PTGFRN: variants seen among roughly 807,000 people sequenced by gnomAD.
PTGFRN encodes prostaglandin F2 receptor inhibitor, also known as prostaglandin F2 receptor negative regulator.
PTGFRN carries 35 observed loss-of-function variants against 83.2 expected under a neutral mutation model. That is an observed-to-expected ratio of 0.42 (90% CI 0.32 to 0.56). The LOEUF is 0.56. PTGFRN is among the 20% of genes least tolerant of loss of function. The pLI, the probability that PTGFRN is intolerant of heterozygous loss-of-function variation, is 0.11. For missense variants in PTGFRN, 1,051 were observed against 1,179.5 expected, an observed-to-expected ratio of 0.89 and a Z score of 1.60; for synonymous variants, 519 against 498.6, an observed-to-expected ratio of 1.04 and a Z score of -0.55.
intron 2 of PTGFRN, among the ~76,000 whole-genome samples, chr1:116,944,254 A>T (rs544051871): frequency 6.6e-6 from 1 of 152,308 alleles, no homozygotes; most frequent in South Asian, 2.1e-4. Flanking sequence ...GTCATACCCA[A>T]TGATTTATCA....
intron 1 of PTGFRN, among the ~76,000 whole-genome samples, chr1:116,910,500 GC>G (rs1201651910): frequency 1.3e-5 from 2 of 151,768 alleles, no homozygotes; most frequent in African/African-American, 4.8e-5. Context: ...GCCGAGCCTC[GC>G]CCCCAACATG....
At chr1:116,970,854 C>T (rs1004539892) in intron 6 of PTGFRN, among the ~76,000 whole-genome samples, 1 of 152,158 alleles carries the variant, frequency 6.6e-6, no homozygotes, top group African/African-American at 2.4e-5. Flanking sequence ...CTTCCTGTCC[C>T]CTGATTTCAG....
intron 3 of PTGFRN, among the ~76,000 whole-genome samples, chr1:116,946,365 T>C (rs1466117124): frequency 6.6e-6 from 1 of 152,208 alleles, no homozygotes; most frequent in African/African-American, 2.4e-5. Context: ...TGCTCATTAC[T>C]GGTCAGTCTG....
At chr1:116,975,586 C>T (rs966377708) in intron 7 of PTGFRN, among the ~76,000 whole-genome samples, 11 of 152,246 alleles carry the variant, frequency 7.2e-5, no homozygotes, top group Non-Finnish European at 1.3e-4. Context: ...GTTCTACAAC[C>T]TCCACTGCTG....
chr1:116,959,509 G>C (rs937664853), intron 4 of PTGFRN, among the ~76,000 whole-genome samples: 1 of 152,160 alleles, frequency 6.6e-6, no homozygotes. Flanking sequence ...CACAAGAAAA[G>C]TTCCTTGACC....
At position 116,910,224 on chromosome 1, in the gene PTGFRN, G is replaced by A. The variant is rs762467971; in HGVS notation, c.21G>A (p.Arg7=). 1.2e-5 allele frequency: 18 copies of A among 1,457,826 alleles called. No individual in the cohort carries two copies. Among genetic ancestry groups the A allele is most frequent in the Non-Finnish European group, 1.6e-5 (18 of 1,111,846 alleles). The allele number at this position is 1,457,826 out of a possible 1,614,324, so 90.3% of individuals were successfully genotyped here. A position where few individuals can be genotyped will look rare whatever the true frequency, so the allele number is the denominator to read the frequency against. ...CGAGCATGGGGCGCCTGGCCTCGAG[G>A]CCGCTGCTGCTGGCGCTCCTGTCGT... MGRLAS[R]PLLLALLSLA... The change falls in exon 1 of 9, where the codon AGG becomes AGA. Residue 7 remains arginine (R), a synonymous_variant. Transcript: ENST00000393203.
In PTGFRN at chr1:116,982,935, A is replaced by C. The variant is rs112452948; in HGVS notation, c.2168-1745A>C. Among the ~76,000 whole-genome samples the C allele has an allele frequency of 4.8e-3, 727 of 152,262 alleles. 5 individuals are homozygous for C. Among genetic ancestry groups the C allele is most frequent in the African/African-American group, 0.017 (692 of 41,548 alleles). The stretch of plus-strand genomic sequence containing the variant: ...GCAGTGGCCAGAGGCCCAGCCCACC[A>C]GCTGGGGTGGACTGGCCACCAGCTG... On this transcript the variant is annotated intron_variant, in intron 7 of 8. Transcript: ENST00000393203.
intron 1 of PTGFRN, among the ~76,000 whole-genome samples, chr1:116,937,340 C>T (rs1238234202): frequency 6.6e-6 from 1 of 152,092 alleles, no homozygotes; most frequent in Non-Finnish European, 1.5e-5. Context: ...AAGATATAAC[C>T]CAACTTAAAT....
In PTGFRN at chr1:116,966,965, A is replaced by G. The variant is rs1650856661; in HGVS notation, c.1694A>G (p.Asn565Ser). The G allele has an allele frequency of 6.2e-7, 1 of 1,612,056 alleles. No individual in the cohort carries two copies. Among genetic ancestry groups the G allele is most frequent in the East Asian group, 2.2e-5 (1 of 44,830 alleles). The change falls in exon 6 of 9, where the codon AAT becomes AGT. Residue 565 changes from asparagine to serine, a missense_variant. Asn to Ser is a conservative substitution (Grantham distance 46). This residue lies in a region of PTGFRN where 719 missense variants were observed against 836.6 expected (regional missense o/e 0.86). Coordinates refer to ENST00000393203, the MANE Select transcript of PTGFRN (RefSeq NM_020440.4). ...RQPKPFFAAG[N>S]TFEMTCKVSS... is the part of the protein sequence containing the mutation. ...CCAAAGCCTTTCTTTGCTGCCGGAA[A>G]TACATTTGAGATGACTTGCAAAGTA...
chr1:116,987,099 T>G lies in PTGFRN; in HGVS notation c.*132T>G, dbSNP rs1481753712. ...TCTAATCTCAGGTGGGACTTGGCGC[T>G]CTCTCTTTTCTGCATGTCAAGTTCT... On this transcript the variant is annotated 3_prime_UTR_variant, in exon 9 of 9. Transcript: ENST00000393203. 1 of 1,029,890 alleles carries G rather than the reference T, an allele frequency of 9.7e-7. No individual in the cohort carries two copies. The highest frequency in any genetic ancestry group is 1.4e-6 in the Non-Finnish European group (1 of 713,976). The allele number at this position is 1,029,890 out of a possible 1,614,324, so 63.8% of individuals were successfully genotyped here. A position where few individuals can be genotyped will look rare whatever the true frequency, so the allele number is the denominator to read the frequency against.
rs1650378453 is a variant in PTGFRN at position 116,952,568 on chromosome 1, G to A, written c.1213+2996G>A. On this transcript the variant is annotated intron_variant, in intron 4 of 8. Coordinates refer to ENST00000393203, the MANE Select transcript of PTGFRN (RefSeq NM_020440.4). This position sits in a 1 kb window ranked among gnomAD's most constrained non-coding sequence, Gnocchi z 4.0. ...GTAAAAGAAGAATAGATATTGCAAG[G>A]TGGTTGGTATGAATTAGTTATTATA... Among the ~76,000 whole-genome samples the A allele has an allele frequency of 6.8e-6, 1 of 147,794 alleles. No individual in the cohort carries two copies. The highest frequency in any genetic ancestry group is 2.5e-5 in the African/African-American group (1 of 39,600).
chr1:116,986,187 A>G (rs1308932044), intron 8 of PTGFRN, among the ~76,000 whole-genome samples: 2 of 103,714 alleles, frequency 1.9e-5, no homozygotes, highest in Non-Finnish European at 4.1e-5. Context: ...CCCAAGGAGC[A>G]TGGGTACTTA....
intron 1 of PTGFRN, among the ~76,000 whole-genome samples, chr1:116,917,416 C>T (rs759422343): frequency 2.6e-5 from 4 of 152,080 alleles, no homozygotes; most frequent in South Asian, 2.1e-4. Flanking sequence ...GGTGTGGACT[C>T]CAGAGAAGGT....
rs770742212 is a variant in PTGFRN, at chr1:116,967,063, A to C, written c.1792A>C (p.Ser598Arg). 1.2e-6 allele frequency: 2 copies of C among 1,614,222 alleles called. No homozygotes were observed. Among genetic ancestry groups the C allele is most frequent in the Admixed American group, 1.7e-5 (1 of 60,034 alleles). Residue 598 changes from serine (S) to arginine (R), a missense_variant, in exon 6 of 9, where the codon AGT (serine) becomes CGT (arginine). Physicochemically the swap from Ser to Arg is moderately radical, Grantham distance 110. Transcript: ENST00000393203. ...MAEKPVGDLS[S>R]PNETKYIISL... is the part of the protein sequence containing the mutation. ...TGAGAAGCCTGTCGGCGACCTCTCC[A>C]GTCCCAATGAAACGAAGTACATCAT...
rs1650860306 is a variant in PTGFRN, at chr1:116,967,066, C to G, written c.1795C>G (p.Pro599Ala). The change falls in exon 6 of 9, where the codon CCC becomes GCC. Residue 599 changes from proline (P) to alanine (A), a missense_variant. Pro to Ala is a conservative substitution (Grantham distance 27). Around this residue, in one of 3 missense-constraint regions of PTGFRN, gnomAD observed 719 missense variants for 836.6 expected, o/e 0.86. Coordinates refer to ENST00000393203, the MANE Select transcript of PTGFRN (RefSeq NM_020440.4). ...GAAGCCTGTCGGCGACCTCTCCAGTCCCAATGAAACGAAGTACATCATCTC... is the reference window on the plus strand; with the variant it reads ...GAAGCCTGTCGGCGACCTCTCCAGTGCCAATGAAACGAAGTACATCATCTC... ...AEKPVGDLSS[P>A]NETKYIISLD... The G allele has an allele frequency of 9.3e-6, 15 of 1,614,192 alleles. No individual in the cohort carries two copies. In the East Asian group the frequency reaches 3.3e-4, roughly 36 times the overall value.
chr1:116,915,252 C>G (rs1649376743), intron 1 of PTGFRN, among the ~76,000 whole-genome samples: 1 of 152,186 alleles, frequency 6.6e-6, no homozygotes, highest in Non-Finnish European at 1.5e-5. Flanking sequence ...GTTAGTGCAG[C>G]CCAGGTACAC....
rs776628818 is a variant in PTGFRN, at chr1:116,984,673, T to C, written c.2168-7T>C. The C allele has an allele frequency of 1.2e-6, 2 of 1,611,496 alleles. No homozygotes were observed. The highest frequency in any genetic ancestry group is 4.5e-5 in the East Asian group (2 of 44,822). The stretch of plus-strand genomic sequence containing the variant: ...TGACCCCAGGGTTTTGGCTTGGTAA[T>C]CCGTAGATGACATGGCCTTTGATGT... On this transcript the variant is annotated splice_polypyrimidine_tract_variant and splice_region_variant and intron_variant, in intron 7 of 8. Coordinates refer to ENST00000393203, the MANE Select transcript of PTGFRN (RefSeq NM_020440.4).
At chr1:116,914,000 G>T (rs981095915) in intron 1 of PTGFRN, among the ~76,000 whole-genome samples, 1 of 152,232 alleles carries the variant, frequency 6.6e-6, no homozygotes, top group Non-Finnish European at 1.5e-5. Context: ...AAAGGACTTT[G>T]TATTAATCAG....
rs1650380219 is a variant in PTGFRN, at chr1:116,952,644, A to G, written c.1213+3072A>G. ...GTTCTGAAGAGTTGAGACAAAAAAA[A>G]AGATGTGATTATACAGTTCTCCTCT... On this transcript the variant is annotated intron_variant, in intron 4 of 8. Transcript: ENST00000393203. This position sits in a 1 kb window ranked among gnomAD's most constrained non-coding sequence, Gnocchi z 4.0. Among the ~76,000 whole-genome samples, 1 of 152,232 alleles carries G rather than the reference A, an allele frequency of 6.6e-6. No homozygotes were observed. The highest frequency in any genetic ancestry group is 1.5e-5 in the Non-Finnish European group (1 of 68,032).
Sources: gnomAD v4.1 joint callset for allele counts (sites outside exome capture counted in the v4.1 genomes callset) on GRCh38, gnomAD v4.1.1 for gene constraint, gnomAD v4.1.1 regional missense constraint, Gnocchi (gnomAD v3.1) non-coding constraint, MANE v1.5 for transcripts, NCBI Gene and HGNC (gene_info 2026-07-23, HGNC 2026-07-21) for gene names.